The following MTCL2 variants were observed in gnomAD, a reference collection of about 807,000 sequenced individuals.
MTCL2 encodes microtubule cross-linking factor 2.
chr20:36,852,530 C>CA, the MTCL2 span, among the ~76,000 whole-genome samples: 1 of 152,218 alleles, frequency 6.6e-6, no homozygotes, highest in South Asian at 2.1e-4. Flanking sequence ...CTTCTCAGCC[C>CA]AAATGCAAAC....
the MTCL2 span, among the ~76,000 whole-genome samples, chr20:36,842,955 T>C: frequency 6.6e-6 from 1 of 152,082 alleles, no homozygotes; most frequent in African/African-American, 2.4e-5. Flanking sequence ...TCCTCAGCTC[T>C]CCCTACCCGT....
At chr20:36,829,387 A>G in the MTCL2 span, among the ~76,000 whole-genome samples, 2 of 152,124 alleles carry the variant, frequency 1.3e-5, no homozygotes, top group African/African-American at 2.4e-5. Flanking sequence ...CAAGAAACTC[A>G]TGAAGGAAGC....
At chr20:36,796,977 G>C in the MTCL2 span, 1 of 1,610,752 alleles carries the variant, frequency 6.2e-7, no homozygotes, top group Non-Finnish European at 8.5e-7. Flanking sequence ...AGACAGGAAG[G>C]GTCAGTTCTG....
At chr20:36,779,213 G>A in the MTCL2 span, 1 of 152,564 alleles carries the variant, frequency 6.6e-6, no homozygotes, top group Non-Finnish European at 1.5e-5. Context: ...GGTTGGGAGG[G>A]GTAAGGCATA....
chr20:36,794,384 G>T, the MTCL2 span: 1 of 1,613,170 alleles, frequency 6.2e-7, no homozygotes, highest in Non-Finnish European at 8.5e-7. The surrounding 1 kb of genome is among the most constrained non-coding windows in gnomAD (Gnocchi z 5.4). Context: ...CCTCCCTGGG[G>T]GGTCCTGGCA....
the MTCL2 span, among the ~76,000 whole-genome samples, chr20:36,837,777 A>G: frequency 5.3e-5 from 8 of 151,922 alleles, no homozygotes; most frequent in African/African-American, 1.9e-4. Context: ...GGGTTTCACC[A>G]TGTTGGCCAG....
chr20:36,846,460 G>A, the MTCL2 span, among the ~76,000 whole-genome samples: 1 of 152,212 alleles, frequency 6.6e-6, no homozygotes. Flanking sequence ...GGGGGACCAG[G>A]GCACCCACAC....
chr20:36,830,138 G>T, the MTCL2 span, among the ~76,000 whole-genome samples: 5,112 of 152,066 alleles, frequency 0.034, 332 homozygotes, highest in African/African-American at 0.12. Context: ...CTGCCTACCT[G>T]GGCTCTTCAC....
At chr20:36,843,543 A>C in the MTCL2 span, among the ~76,000 whole-genome samples, 1 of 152,094 alleles carries the variant, frequency 6.6e-6, no homozygotes, top group South Asian at 2.1e-4. Flanking sequence ...AGTTAAAAAA[A>C]TGAGGAAGTG....
the MTCL2 span, among the ~76,000 whole-genome samples, chr20:36,813,771 A>AG: frequency 1.3e-5 from 2 of 150,556 alleles, no homozygotes; most frequent in African/African-American, 2.4e-5. Flanking sequence ...AAAAAAAAAA[A>AG]AAAAAGATAA....
the MTCL2 span, among the ~76,000 whole-genome samples, chr20:36,833,656 C>T: frequency 6.6e-6 from 1 of 152,086 alleles, no homozygotes; most frequent in East Asian, 1.9e-4. Flanking sequence ...CAAGACCAGC[C>T]TGAGCAAAAT....
At chr20:36,812,661 TCTC>T in the MTCL2 span, 12 of 1,602,866 alleles carry the variant, frequency 7.5e-6, no homozygotes, top group Non-Finnish European at 9.4e-6. Flanking sequence ...GCTCAGTCAC[TCTC>T]CTCCTACCCA....
At chr20:36,797,652 C>T in the MTCL2 span, 1 of 1,333,130 alleles carries the variant, frequency 7.5e-7, no homozygotes, top group East Asian at 2.5e-5. Flanking sequence ...GGCCATTCCC[C>T]AGACTCCACT....
chr20:36,856,524 C>T, the MTCL2 span, among the ~76,000 whole-genome samples: 372 of 152,334 alleles, frequency 2.4e-3, 2 homozygotes, highest in Non-Finnish European at 3.9e-3. Flanking sequence ...GTGGGCAGCT[C>T]GACAATCGGT....
At chr20:36,788,561 C>G in the MTCL2 span, among the ~76,000 whole-genome samples, 1 of 150,878 alleles carries the variant, frequency 6.6e-6, no homozygotes, top group Non-Finnish European at 1.5e-5. Flanking sequence ...TGGCGTGAAC[C>G]TGGGAGGCGG....
chr20:36,863,108 G>A, the MTCL2 span: 5 of 1,399,172 alleles, frequency 3.6e-6, no homozygotes, highest in East Asian at 1.0e-4. The surrounding 1 kb of genome is among the most constrained non-coding windows in gnomAD (Gnocchi z 6.2). Flanking sequence ...CGCGCGCCCC[G>A]GGAGCCACTG....
the MTCL2 span, among the ~76,000 whole-genome samples, chr20:36,787,270 C>T: frequency 3.3e-5 from 5 of 151,996 alleles, no homozygotes; most frequent in South Asian, 2.1e-4. Flanking sequence ...CTCTGTTCCC[C>T]AGGCTGGAGT....
chr20:36,836,341 A>ATT, the MTCL2 span, among the ~76,000 whole-genome samples: 47 of 85,450 alleles, frequency 5.5e-4, no homozygotes, highest in African/African-American at 8.0e-4. Flanking sequence ...CGCCCAGCTA[A>ATT]TTTTTTTTTT....
the MTCL2 span, among the ~76,000 whole-genome samples, chr20:36,795,994 C>G: frequency 2.6e-5 from 4 of 152,042 alleles, no homozygotes; most frequent in African/African-American, 9.7e-5. Context: ...TCCAGTTGCC[C>G]GTGGAATAAC....
Sources: allele counts gnomAD v4.1 joint callset (sites outside exome capture counted in the v4.1 genomes callset), GRCh38; gene constraint gnomAD v4.1.1; non-coding constraint Gnocchi (gnomAD v3.1); transcripts MANE v1.5; gene names NCBI Gene and HGNC (gene_info 2026-07-23, HGNC 2026-07-21).